Variants in LAMA2 observed in about 807,000 individuals in gnomAD.
LAMA2 encodes the protein laminin subunit alpha-2.
Under a neutral mutation model 364.8 loss-of-function variants are expected in LAMA2, and 269 were observed. That is an observed-to-expected ratio of 0.74 (90% CI 0.67 to 0.82). LAMA2 has a LOEUF of 0.82. Ranked by LOEUF, LAMA2 falls within the 40% of genes least tolerant of loss-of-function variation. The pLI, the probability that LAMA2 is intolerant of heterozygous loss-of-function variation, is 0.00. For synonymous variants in LAMA2, 1,379 were observed against 1,370.6 expected (o/e 1.01, Z -0.14); for missense variants, 3,807 against 3,873.2 (o/e 0.98, Z 0.45).
intron 1 of LAMA2, among the ~76,000 whole-genome samples, chr6:128,975,262 A>T (rs1782455287): frequency 6.6e-6 from 1 of 152,202 alleles, no homozygotes; most frequent in African/African-American, 2.4e-5. Flanking sequence ...ACAGAATCTT[A>T]GAAGAGTTAG....
chr6:129,229,031 A>G (rs1784508593), intron 12 of LAMA2, among the ~76,000 whole-genome samples: 1 of 152,196 alleles, frequency 6.6e-6, no homozygotes, highest in Non-Finnish European at 1.5e-5. Flanking sequence ...TCCTGCATAT[A>G]CTTGATGATT....
intron 4 of LAMA2, among the ~76,000 whole-genome samples, chr6:129,122,657 A>G (rs1776865815): frequency 6.6e-6 from 1 of 152,076 alleles, no homozygotes; most frequent in African/African-American, 2.4e-5. Flanking sequence ...AGGGGTTGTG[A>G]AGGGCAGTTG....
intron 40 of LAMA2, among the ~76,000 whole-genome samples, chr6:129,411,412 T>C (rs1780532644): frequency 6.6e-6 from 1 of 152,184 alleles, no homozygotes; most frequent in African/African-American, 2.4e-5. Context: ...AGTAAAGAAC[T>C]GTGCTGTGTA....
chr6:129,115,794 T>C (rs7756786), intron 4 of LAMA2, among the ~76,000 whole-genome samples: 38,990 of 152,026 alleles, frequency 0.26, 5,788 homozygotes, highest in African/African-American at 0.42. Context: ...TTTCCGCATC[T>C]AAGAATGAGG....
At chr6:129,469,636 G>C (rs530555499) in intron 51 of LAMA2, among the ~76,000 whole-genome samples, 1 of 151,730 alleles carries the variant, frequency 6.6e-6, no homozygotes, top group African/African-American at 2.4e-5. Context: ...AGAAAGACTT[G>C]TACCAAAATG....
intron 4 of LAMA2, among the ~76,000 whole-genome samples, chr6:129,111,332 G>A (rs1486008098): frequency 6.6e-6 from 1 of 151,976 alleles, no homozygotes; most frequent in African/African-American, 2.4e-5. Context: ...ATTCTAATCA[G>A]GGATAACAAA....
At chr6:129,011,510 T>A (rs1004635102) in intron 1 of LAMA2, among the ~76,000 whole-genome samples, 1 of 152,164 alleles carries the variant, frequency 6.6e-6, no homozygotes, top group Middle Eastern at 3.2e-3. Context: ...TTCAAGCATT[T>A]GTATCATTAG....
At chr6:129,495,330 T>C (rs1158214506) in intron 58 of LAMA2, among the ~76,000 whole-genome samples, 1 of 152,184 alleles carries the variant, frequency 6.6e-6, no homozygotes, top group African/African-American at 2.4e-5. Context: ...AGCTTAGGTA[T>C]TCTTTGTATT....
At chr6:129,509,858 A>T (rs1284005178) in intron 62 of LAMA2, among the ~76,000 whole-genome samples, 1 of 151,854 alleles carries the variant, frequency 6.6e-6, no homozygotes, top group Non-Finnish European at 1.5e-5. Flanking sequence ...AATTTTAGGA[A>T]TTTTTTCTAT....
At chr6:129,076,095 C>G (rs375294765) in intron 3 of LAMA2, among the ~76,000 whole-genome samples, 1 of 151,446 alleles carries the variant, frequency 6.6e-6, no homozygotes, top group Non-Finnish European at 1.5e-5. Context: ...CAAAACAAAA[C>G]AAAAAAATTA....
At chr6:128,885,859 A>C (rs1427505258) in intron 1 of LAMA2, among the ~76,000 whole-genome samples, 1 of 152,216 alleles carries the variant, frequency 6.6e-6, no homozygotes, top group East Asian at 1.9e-4. Flanking sequence ...CAAGAATGAT[A>C]TTCCAAGGAA....
In LAMA2 at chr6:128,909,878, T is replaced by A. The variant is rs1164596414; in HGVS notation, c.112+26521T>A. Among the ~76,000 whole-genome samples the A allele has an allele frequency of 6.8e-3, 1,033 of 151,818 alleles. 12 individuals carry two copies. Among genetic ancestry groups the A allele is most frequent in the African/African-American group, 0.024 (978 of 41,414 alleles). ...ATTTGCTTGTCTGTAAAGTATTTTATTTCTCCTTCGCTTATGAAGCTTAGT... is the reference window on the plus strand; with the variant it reads ...ATTTGCTTGTCTGTAAAGTATTTTAATTCTCCTTCGCTTATGAAGCTTAGT... On this transcript the variant is annotated intron_variant, in intron 1 of 64. Coordinates refer to ENST00000421865, the MANE Select transcript of LAMA2 (RefSeq NM_000426.4).
At chr6:129,330,575 T>G (rs982083786) in intron 29 of LAMA2, among the ~76,000 whole-genome samples, 4 of 148,346 alleles carry the variant, frequency 2.7e-5, no homozygotes, top group Non-Finnish European at 5.9e-5. Context: ...TTTGAAGCGT[T>G]TTTTTGTTGT....
At chr6:129,243,082 CCA>C (rs974839348) in intron 12 of LAMA2, among the ~76,000 whole-genome samples, 2 of 152,058 alleles carry the variant, frequency 1.3e-5, no homozygotes, top group African/African-American at 4.8e-5. Context: ...TGTCTGCCTA[CCA>C]CATTTTGTTG....
chr6:129,403,420 G>A (rs4897313), intron 39 of LAMA2, among the ~76,000 whole-genome samples: 75,862 of 151,362 alleles, frequency 0.5, 19,439 homozygotes, highest in African/African-American at 0.62. Flanking sequence ...AAATTCACTT[G>A]GTCTCTTCTG....
intron 3 of LAMA2, among the ~76,000 whole-genome samples, chr6:129,074,565 GT>G (rs1773510191): frequency 6.6e-6 from 1 of 152,044 alleles, no homozygotes; most frequent in Admixed American, 6.6e-5. Flanking sequence ...TCAAACTGCT[GT>G]TTTTAGTATT....
At chr6:129,453,321 G>C (rs1782784191) in intron 46 of LAMA2, among the ~76,000 whole-genome samples, 190 bp downstream of exon 46, 1 of 152,082 alleles carries the variant, frequency 6.6e-6, no homozygotes, top group Admixed American at 6.6e-5. Context: ...GCAAATGAAA[G>C]GAAGAAAACT....
In LAMA2 at chr6:129,445,802, C is replaced by T. The variant is rs886061054; in HGVS notation, c.6410C>T (p.Ala2137Val). The T allele has an allele frequency of 6.2e-7, 1 of 1,613,570 alleles. No homozygotes were observed. Residue 2137 changes from alanine to valine, a missense_variant, in exon 45 of 65, where the codon GCT becomes GTT. Physicochemically the swap from Ala to Val is moderately conservative, Grantham distance 64. Transcript: ENST00000421865. ...GAGATAAAGGAATTGATAAACCAAG[C>T]TCGGAAACAAGCCAATTCTGTAAGT... ...ISEIKELINQ[A>V]RKQANSIKVS...
intron 3 of LAMA2, among the ~76,000 whole-genome samples, chr6:129,082,798 T>C (rs1342356473): frequency 6.6e-6 from 1 of 152,118 alleles, no homozygotes; most frequent in Non-Finnish European, 1.5e-5. Flanking sequence ...CAGCTTTCTC[T>C]TTATCTCTTT....
Sources: gnomAD v4.1 joint callset for allele counts (sites outside exome capture counted in the v4.1 genomes callset) on GRCh38, gnomAD v4.1.1 for gene constraint, MANE v1.5 for transcripts, NCBI Gene and HGNC (gene_info 2026-07-23, HGNC 2026-07-21) for gene names.